Variants in MRO observed in about 807,000 individuals in gnomAD.
MRO encodes the protein maestro.
In MRO, 28 loss-of-function variants were observed where a neutral mutation model predicts 31.0. That is an observed-to-expected ratio of 0.90 (90% CI 0.67 to 1.24). MRO has a LOEUF of 1.24. Among genes scored for constraint, MRO ranks in the 50% most tolerant of loss-of-function variants. MRO has a pLI of 0.00. For synonymous variants in MRO, 108 were observed against 108.4 expected (o/e 1.00, Z 0.02); for missense variants, 332 against 289.2 (o/e 1.15, Z -1.07).
chr18:50,819,815 A>G (rs1915227508), intron 1 of MRO, 82 bp downstream of exon 1: 5 of 1,539,542 alleles, frequency 3.2e-6, no homozygotes, highest in African/African-American at 1.4e-5. Context: ...CAAAGTTTAT[A>G]GAGTATTTGG....
intron 2 of MRO, among the ~76,000 whole-genome samples, chr18:50,811,856 C>T (rs1290303010): frequency 6.7e-6 from 1 of 150,342 alleles, no homozygotes; most frequent in African/African-American, 2.5e-5. Flanking sequence ...ATTCTCTTGC[C>T]TCAGCCTCCT....
chr18:50,800,268 C>T (rs1220643542), intron 6 of MRO, 125 bp from the exon 7 acceptor site: 3 of 630,084 alleles, frequency 4.8e-6, no homozygotes, highest in South Asian at 4.8e-5. Context: ...AAAGTAACTT[C>T]CAGGTAGTTT....
At chr18:50,818,001 G>GCC (rs200984736) in intron 2 of MRO, among the ~76,000 whole-genome samples, 1 of 127,634 alleles carries the variant, frequency 7.8e-6, no homozygotes, top group Non-Finnish European at 1.7e-5. Flanking sequence ...CCCACCCCCC[G>GCC]CCCCATGCCC....
intron 7 of MRO, among the ~76,000 whole-genome samples, chr18:50,799,612 C>G (rs1053754594): frequency 6.6e-6 from 1 of 152,134 alleles, no homozygotes; most frequent in Non-Finnish European, 1.5e-5. Flanking sequence ...CAATTACAAT[C>G]AAAACACAGT....
chr18:50,817,054 G>A (rs570675692), intron 2 of MRO, among the ~76,000 whole-genome samples: 142 of 152,264 alleles, frequency 9.3e-4, no homozygotes, highest in African/African-American at 3.3e-3. Context: ...CTTCATAGGC[G>A]TAAGTAGAAC....
chr18:50,805,246 T>A lies in MRO; in HGVS notation c.337A>T (p.Thr113Ser). Residue 113 changes from threonine (T) to serine (S), a missense_variant, in exon 5 of 8, where the codon ACT becomes TCT. Physicochemically the swap from Thr to Ser is moderately conservative, Grantham distance 58 (BLOSUM62 1). Transcript: ENST00000398439. ...ATCTTGCCCAGAACGACGGTCAGAGTCTTCATACTCTCATGGATGACTTCC... is the reference window on the plus strand; with the variant it reads ...ATCTTGCCCAGAACGACGGTCAGAGACTTCATACTCTCATGGATGACTTCC... ...NLEVIHESMK[T>S]LTVVLGKIQG... 4.3e-6 allele frequency: 7 copies of A among 1,613,534 alleles called. No homozygotes were observed. Among genetic ancestry groups the A allele is most frequent in the Non-Finnish European group, 5.9e-6 (7 of 1,179,872 alleles).
At chr18:50,806,997 T>C (rs2255672) in intron 3 of MRO, 147 bp from the exon 4 acceptor site, 184,757 of 769,198 alleles carry the variant, frequency 0.24, 24,995 homozygotes, top group Non-Finnish European at 0.29. Context: ...TGGGTTTTGT[T>C]GGAAATGTAC....
At chr18:50,810,862 T>G (rs1914417629) in intron 2 of MRO, among the ~76,000 whole-genome samples, 1 of 152,206 alleles carries the variant, frequency 6.6e-6, no homozygotes, top group Non-Finnish European at 1.5e-5. Context: ...TTAATTATTA[T>G]TATACTTTAA....
At position 50,801,287 on chromosome 18, in the gene MRO, G is replaced by A. The variant is rs141875453; in HGVS notation, c.585+62C>T. On this transcript the variant is annotated intron_variant, in intron 6 of 7. Coordinates refer to ENST00000398439, the MANE Select transcript of MRO (RefSeq NM_031939.6). Reference sequence around the variant, plus strand: ...ACCCTAGGGTCTGGCGTCTCAACTCGCAACTCCCTTTATGAATAGCATGGA... The same window carrying A: ...ACCCTAGGGTCTGGCGTCTCAACTCACAACTCCCTTTATGAATAGCATGGA... 2.9e-4 allele frequency: 418 copies of A among 1,443,450 alleles called. 2 individuals carry two copies. The Middle Eastern group carries it at 7.4e-3, about 26-fold the overall frequency. 89.4% of individuals were successfully genotyped at this position (1,443,450 alleles called of 1,614,324 possible). A position where few individuals can be genotyped will look rare whatever the true frequency, so the allele number is the denominator to read the frequency against.
rs1057234296 is a variant in MRO, at chr18:50,795,820, A to T, written c.*3517T>A. The T allele has an allele frequency of 6.6e-6, 1 of 152,330 alleles. No individual in the cohort carries two copies. Among genetic ancestry groups the T allele is most frequent in the African/African-American group, 2.4e-5 (1 of 41,424 alleles). The allele number at this position is 152,330 out of a possible 1,614,324, so 9.4% of individuals were successfully genotyped here. A position where few individuals can be genotyped will look rare whatever the true frequency, so the allele number is the denominator to read the frequency against. ...CCAGCCATGGTGGCAGGCACCTGTA[A>T]TCCCAGCTACTCAGGAGGCTGAGAC... On this transcript the variant is annotated 3_prime_UTR_variant, in exon 8 of 8. Coordinates refer to ENST00000398439, the MANE Select transcript of MRO (RefSeq NM_031939.6).
intron 2 of MRO, among the ~76,000 whole-genome samples, chr18:50,811,890 C>T (rs140088301): frequency 4.3e-4 from 65 of 151,490 alleles, no homozygotes; most frequent in African/African-American, 1.1e-3. Flanking sequence ...TACAGGCGTA[C>T]GCCACCATGC....
At chr18:50,825,105 A>C (rs2144694415) in intron 1 of MRO, among the ~76,000 whole-genome samples, 1 of 152,080 alleles carries the variant, frequency 6.6e-6, no homozygotes, top group African/African-American at 2.4e-5. Context: ...AAAAAAAGTA[A>C]GTTCAAGTTT....
At position 50,795,935 on chromosome 18, in the gene MRO, A is replaced by C. The variant is rs1408925018; in HGVS notation, c.*3402T>G. On this transcript the variant is annotated 3_prime_UTR_variant, in exon 8 of 8. Coordinates refer to ENST00000398439, the MANE Select transcript of MRO (RefSeq NM_031939.6). ...AGCCTGGGTGACAGAGTGAGGCTCC[A>C]TCTCAAAAATAAAAATAAAGAAAGA... 1 of 152,218 alleles carries C rather than the reference A, an allele frequency of 6.6e-6. No homozygotes were observed. Among genetic ancestry groups the C allele is most frequent in the African/African-American group, 2.4e-5 (1 of 41,428 alleles). The allele number at this position is 152,218 out of a possible 1,614,324, so 9.4% of individuals were successfully genotyped here.
chr18:50,802,724 T>C lies in MRO; in HGVS notation c.430-1220A>G, dbSNP rs143429069. Among the ~76,000 whole-genome samples, 1,019 of 152,170 alleles carry C rather than the reference T, an allele frequency of 6.7e-3. 10 individuals carry two copies. The highest frequency in any genetic ancestry group is 0.024 in the African/African-American group (995 of 41,508). The stretch of plus-strand genomic sequence containing the variant: ...TTAGGGTTTTTGTTTTTTTTTGTTT[T>C]TGTTTTTGTTTTTGTTTTAGAGACA... On this transcript the variant is annotated intron_variant, in intron 5 of 7. Transcript: ENST00000398439.
chr18:50,805,212 T>C lies in MRO; in HGVS notation c.371A>G (p.Lys124Arg). ...ATCTATGAAGAAGGAACCCAAACCTTTCCCCTGGATCTTGCCCAGAACGAC... is the reference window on the plus strand; with the variant it reads ...ATCTATGAAGAAGGAACCCAAACCTCTCCCCTGGATCTTGCCCAGAACGAC... ...LTVVLGKIQG[K>R]GLGSFFIDIT... The change falls in exon 5 of 8, where the codon AAA becomes AGA. Residue 124 changes from lysine to arginine, a missense_variant. By Grantham distance (26) the Lys-to-Arg change is conservative. Transcript: ENST00000398439. 1.2e-6 allele frequency: 2 copies of C among 1,613,994 alleles called. No homozygotes were observed. The highest frequency in any genetic ancestry group is 1.7e-6 in the Non-Finnish European group (2 of 1,179,870).
chr18:50,806,887 G>A, intron 3 of MRO, 37 bp from the exon 4 acceptor site: 2 of 1,607,884 alleles, frequency 1.2e-6, no homozygotes, highest in South Asian at 1.1e-5. Flanking sequence ...ATTTGGGAGT[G>A]TTCAGAGTCA....
Position 50,801,426 on chromosome 18 carries a change from A to G in MRO, c.508T>C (p.Phe170Leu), listed in dbSNP as rs141296827. Residue 170 changes from phenylalanine (F) to leucine (L), a missense_variant, in exon 6 of 8, where the codon TTT (phenylalanine) becomes CTT (leucine). Physicochemically the swap from Phe to Leu is conservative, Grantham distance 22 (BLOSUM62 0). Coordinates refer to ENST00000398439, the MANE Select transcript of MRO (RefSeq NM_031939.6). The stretch of plus-strand genomic sequence containing the variant: ...GTCTGCTTAACCTGACTGGTGAAAA[A>G]TTTTTTCCATTTCCTCCCGGCAAAG... The part of the protein sequence containing the change: ...AAFAGRKWKK[F>L]FTSQVKQTRD... 1.2e-6 allele frequency: 2 copies of G among 1,611,348 alleles called. No individual in the cohort carries two copies. The highest frequency in any genetic ancestry group is 8.5e-7 in the Non-Finnish European group (1 of 1,178,386).
chr18:50,818,552 T>C lies in MRO; in HGVS notation c.-5+1029A>G, dbSNP rs72627208. On this transcript the variant is annotated intron_variant, in intron 2 of 7. Transcript: ENST00000398439. The stretch of plus-strand genomic sequence containing the variant: ...TAACTTAGAAGACTGTTTTATGCTT[T>C]ACACTGACTCCCATCTGCTTTTGCA... Among the ~76,000 whole-genome samples the C allele has an allele frequency of 5.3e-3, 803 of 152,330 alleles. 22 individuals are homozygous for C. In the East Asian group the frequency reaches 0.067, roughly 13 times the overall value.
intron 2 of MRO, 71 bp from the exon 3 acceptor site, chr18:50,809,475 C>T (rs1914284780): frequency 3.7e-6 from 4 of 1,070,704 alleles, no homozygotes; most frequent in Non-Finnish European, 5.7e-6. Flanking sequence ...TTGTACAATG[C>T]ATTGTGCTGG....
Sources: allele counts gnomAD v4.1 joint callset (sites outside exome capture counted in the v4.1 genomes callset), GRCh38; gene constraint gnomAD v4.1.1; transcripts MANE v1.5; gene names NCBI Gene and HGNC (gene_info 2026-07-23, HGNC 2026-07-21).